The following ADCY2 variants were observed in gnomAD, a reference collection of about 807,000 sequenced individuals.
ADCY2 encodes adenylate cyclase 2, also known as adenylate cyclase type 2.
In ADCY2, 31 loss-of-function variants were observed where a neutral mutation model predicts 125.2. The observed-to-expected ratio is 0.25, with a 90% CI of 0.19 to 0.33. The LOEUF is 0.33. Among genes scored for constraint, ADCY2 ranks in the 10% least tolerant of loss-of-function variants. The pLI, the probability that ADCY2 is intolerant of heterozygous loss-of-function variation, is 1.00. For synonymous variants in ADCY2, 512 were observed against 548.4 expected (o/e 0.93, Z 0.93); for missense variants, 904 against 1,418.2 (o/e 0.64, Z 5.82).
At chr5:7,740,773 T>C (rs930962432) in intron 14 of ADCY2, among the ~76,000 whole-genome samples, 5 of 152,040 alleles carry the variant, frequency 3.3e-5, no homozygotes, top group Admixed American at 2.0e-4. Flanking sequence ...TTATAATGAG[T>C]AGCTATGAAT....
At chr5:7,698,560 C>T (rs1740968698) in intron 7 of ADCY2, among the ~76,000 whole-genome samples, 186 bp downstream of exon 7, 1 of 152,160 alleles carries the variant, frequency 6.6e-6, no homozygotes, top group South Asian at 2.1e-4. Flanking sequence ...CCAACAGGCC[C>T]TGGTATGTGA....
At chr5:7,726,260 G>T (rs375150980) in intron 13 of ADCY2, among the ~76,000 whole-genome samples, 191 of 152,296 alleles carry the variant, frequency 1.3e-3, no homozygotes, top group African/African-American at 4.3e-3. Context: ...GAGCCTCATG[G>T]TTGAGAGTCT....
At position 7,709,190 on chromosome 5, in the gene ADCY2, T is replaced by C; in HGVS notation, c.1402-21T>C. ...TGGCCCTGTGCTGTGCCAGGTGTGA[T>C]GCTTTGTTTCTCACCCCAAGGGAGA... is the stretch of plus-strand genomic sequence containing the variant. On this transcript the variant is annotated intron_variant, in intron 9 of 24. Coordinates refer to ENST00000338316, the MANE Select transcript of ADCY2 (RefSeq NM_020546.3). The surrounding 1 kb of genome is among the most constrained non-coding windows in gnomAD (Gnocchi z 4.4). 6.3e-7 allele frequency: 1 copy of C among 1,585,314 alleles called. No homozygotes were observed. Among genetic ancestry groups the C allele is most frequent in the Non-Finnish European group, 8.6e-7 (1 of 1,165,350 alleles).
At chr5:7,397,231 G>T (rs1331712997) in intron 1 of ADCY2, among the ~76,000 whole-genome samples, 1 of 152,084 alleles carries the variant, frequency 6.6e-6, no homozygotes, top group Non-Finnish European at 1.5e-5. Context: ...ATTTCATCAC[G>T]AGGAGTATAA....
At chr5:7,460,351 C>A (rs1386067767) in intron 2 of ADCY2, among the ~76,000 whole-genome samples, 1 of 152,130 alleles carries the variant, frequency 6.6e-6, no homozygotes, top group Non-Finnish European at 1.5e-5. Flanking sequence ...ACCTCAGCCT[C>A]CCAAGTAGCT....
chr5:7,556,574 A>C (rs1417192373), intron 3 of ADCY2, among the ~76,000 whole-genome samples: 6 of 152,174 alleles, frequency 3.9e-5, no homozygotes, highest in Non-Finnish European at 8.8e-5. Context: ...AATATTTTCC[A>C]TTATGGCTTA....
intron 3 of ADCY2, among the ~76,000 whole-genome samples, chr5:7,535,628 C>G (rs1199713243): frequency 1.3e-5 from 2 of 152,178 alleles, no homozygotes; most frequent in African/African-American, 2.4e-5. Flanking sequence ...TTGTTTTCTT[C>G]AAGATGAGTC....
intron 2 of ADCY2, among the ~76,000 whole-genome samples, chr5:7,454,747 T>C (rs1444087191): frequency 2.0e-5 from 3 of 152,198 alleles, no homozygotes; most frequent in Non-Finnish European, 2.9e-5. Flanking sequence ...TGTTTTCTTT[T>C]CATTTATGAT....
intron 2 of ADCY2, among the ~76,000 whole-genome samples, chr5:7,432,565 G>A (rs1740644210): frequency 6.6e-6 from 1 of 152,216 alleles, no homozygotes; most frequent in Non-Finnish European, 1.5e-5. Context: ...AGGTTCGAGT[G>A]ACTGGAGTTC....
intron 16 of ADCY2, among the ~76,000 whole-genome samples, chr5:7,761,660 C>T (rs1743219394): frequency 6.6e-6 from 1 of 152,072 alleles, no homozygotes; most frequent in Non-Finnish European, 1.5e-5. Context: ...CTTTTCGTAA[C>T]ATCTAGTTTG....
chr5:7,458,645 C>G (rs1166109528), intron 2 of ADCY2, among the ~76,000 whole-genome samples: 1 of 152,056 alleles, frequency 6.6e-6, no homozygotes, highest in Non-Finnish European at 1.5e-5. Flanking sequence ...CAAAGAAGTA[C>G]AAGAAAAAGT....
intron 15 of ADCY2, among the ~76,000 whole-genome samples, chr5:7,747,868 A>G (rs34140521): frequency 0.033 from 5,006 of 152,328 alleles, 273 homozygotes; most frequent in African/African-American, 0.11. Context: ...AATATTTAAT[A>G]TCAATCTGCT....
intron 4 of ADCY2, among the ~76,000 whole-genome samples, chr5:7,641,557 T>C (rs955085280): frequency 2.0e-5 from 3 of 152,134 alleles, no homozygotes; most frequent in African/African-American, 7.2e-5. Flanking sequence ...TATATGTATA[T>C]CATTTTGACT....
At chr5:7,627,956 C>T (rs1326567282) in intron 4 of ADCY2, among the ~76,000 whole-genome samples, 3 of 152,042 alleles carry the variant, frequency 2.0e-5, no homozygotes, top group African/African-American at 4.8e-5. Flanking sequence ...ATTCAGGAAC[C>T]GATGTTTTTG....
chr5:7,603,784 CTTTTTTTTTTTTT>C, intron 3 of ADCY2, among the ~76,000 whole-genome samples: 4 of 62,800 alleles, frequency 6.4e-5, no homozygotes, highest in Admixed American at 2.4e-4. Context: ...TGCTCTCTTT[CTTTTTTTTTTTTT>C]TTTTTTTTTT....
chr5:7,624,240 T>C (rs972751313), intron 3 of ADCY2, among the ~76,000 whole-genome samples: 6 of 152,236 alleles, frequency 3.9e-5, no homozygotes, highest in African/African-American at 1.4e-4. Flanking sequence ...ATATCACTGT[T>C]TTCCTCCTGT....
At chr5:7,788,585 A>G (rs1200378744) in intron 19 of ADCY2, among the ~76,000 whole-genome samples, 1 of 152,272 alleles carries the variant, frequency 6.6e-6, no homozygotes, top group Non-Finnish European at 1.5e-5. Flanking sequence ...TTCCTAATGT[A>G]TGACAGATAA....
intron 2 of ADCY2, among the ~76,000 whole-genome samples, chr5:7,512,665 T>A (rs1487199908): frequency 6.6e-6 from 1 of 152,160 alleles, no homozygotes; most frequent in Non-Finnish European, 1.5e-5. Context: ...TGTCTTCCTG[T>A]AAATAATATT....
At chr5:7,725,201 G>C (rs1336785340) in intron 13 of ADCY2, among the ~76,000 whole-genome samples, 1 of 152,144 alleles carries the variant, frequency 6.6e-6, no homozygotes, top group African/African-American at 2.4e-5. Flanking sequence ...GTTGCAGAAA[G>C]GACAACCATT....
Sources: allele counts gnomAD v4.1 joint callset (sites outside exome capture counted in the v4.1 genomes callset), GRCh38; gene constraint gnomAD v4.1.1; non-coding constraint Gnocchi (gnomAD v3.1); transcripts MANE v1.5; gene names NCBI Gene and HGNC (gene_info 2026-07-23, HGNC 2026-07-21).